FRMD5: variants seen among roughly 807,000 people sequenced by gnomAD.
The protein encoded by FRMD5 is FERM domain containing 5.
FRMD5 carries 20 observed loss-of-function variants against 69.0 expected under a neutral mutation model. The ratio of observed to expected loss-of-function variants is 0.29; its 90% CI spans 0.20 to 0.42. The LOEUF (loss-of-function observed/expected upper bound fraction) is 0.42. Among genes scored for constraint, FRMD5 ranks in the 10% least tolerant of loss-of-function variants. FRMD5 has a pLI of 1.00. For missense variants in FRMD5, 595 were observed against 708.6 expected (o/e 0.84, Z 1.82); for synonymous variants, 271 against 260.1 (o/e 1.04, Z -0.40).
At chr15:43,990,899 C>G (rs1889643213) in intron 1 of FRMD5, among the ~76,000 whole-genome samples, 1 of 152,152 alleles carries the variant, frequency 6.6e-6, no homozygotes, top group South Asian at 2.1e-4. Flanking sequence ...TTATACATCT[C>G]TATAGATGAC....
Position 43,989,297 on chromosome 15 carries a change from T to C in FRMD5, c.103-64988A>G, listed in dbSNP as rs1047994602. 1.4e-5 allele frequency: 11 copies of C among 785,526 alleles called. 1 individual carries two copies. The highest frequency in any genetic ancestry group is 8.5e-5 in the Admixed American group (5 of 58,648). The allele number at this position is 785,526 out of a possible 1,614,324, so 48.7% of individuals were successfully genotyped here. ...CTGGTGGTGCCGCCAGATAGCACTGTGTTGGCATACGGGTCTTTGAGGATG... is the reference window on the plus strand; with the variant it reads ...CTGGTGGTGCCGCCAGATAGCACTGCGTTGGCATACGGGTCTTTGAGGATG... On this transcript the variant is annotated intron_variant, in intron 1 of 13. Transcript: ENST00000417257.
At chr15:44,122,244 A>G (rs546958999) in intron 1 of FRMD5, among the ~76,000 whole-genome samples, 1 of 152,270 alleles carries the variant, frequency 6.6e-6, no homozygotes, top group Non-Finnish European at 1.5e-5. Context: ...TAAAAGTTAT[A>G]CGTCAAGTAG....
At chr15:44,002,572 C>T (rs944652773) in intron 1 of FRMD5, among the ~76,000 whole-genome samples, 9 of 151,914 alleles carry the variant, frequency 5.9e-5, no homozygotes, top group Non-Finnish European at 1.2e-4. Context: ...TAAGGGGGTC[C>T]GCGTGAGAGG....
At position 43,988,556 on chromosome 15, in the gene FRMD5, C is replaced by T. The variant is rs1267907038; in HGVS notation, c.103-64247G>A. On this transcript the variant is annotated intron_variant, in intron 1 of 13. Transcript: ENST00000417257. Reference sequence around the variant, plus strand: ...GGCTACCTCCACCCACTCCCAACTCCCAGGGAGACAAAAAGCCTTCATACA... The same window carrying T: ...GGCTACCTCCACCCACTCCCAACTCTCAGGGAGACAAAAAGCCTTCATACA... Among the ~76,000 whole-genome samples, 6 of 151,936 alleles carry T rather than the reference C, an allele frequency of 3.9e-5. No homozygotes were observed. The South Asian group carries it at 6.2e-4, about 16-fold the overall frequency.
At chr15:44,026,868 T>G (rs1168604297) in intron 1 of FRMD5, among the ~76,000 whole-genome samples, 4 of 152,246 alleles carry the variant, frequency 2.6e-5, no homozygotes, top group Non-Finnish European at 5.9e-5. Flanking sequence ...ATGATCACTG[T>G]GGGATCAACA....
chr15:43,970,154 A>G (rs2090353472), intron 1 of FRMD5, among the ~76,000 whole-genome samples: 1 of 152,266 alleles, frequency 6.6e-6, no homozygotes. Flanking sequence ...AACTAGAACC[A>G]GGTGGAAGTT....
intron 1 of FRMD5, among the ~76,000 whole-genome samples, chr15:44,039,727 G>A (rs1892102562): frequency 6.6e-6 from 1 of 152,112 alleles, no homozygotes; most frequent in South Asian, 2.1e-4. Context: ...AGAAACCAGT[G>A]CAAAAAGGCT....
At chr15:44,194,698 G>A (rs2078255300) in intron 1 of FRMD5, 2 of 537,160 alleles carry the variant, frequency 3.7e-6, no homozygotes, top group East Asian at 3.6e-5. Flanking sequence ...CTCACCCAGG[G>A]AGAGCAGGGT....
chr15:44,171,782 G>T (rs537392097), intron 1 of FRMD5, among the ~76,000 whole-genome samples: 19 of 152,180 alleles, frequency 1.2e-4, no homozygotes, highest in African/African-American at 4.6e-4. Context: ...GCTGGCTTTT[G>T]AGACAGAGTC....
intron 1 of FRMD5, among the ~76,000 whole-genome samples, chr15:44,100,409 C>T (rs1039370896): frequency 2.6e-5 from 4 of 152,190 alleles, no homozygotes; most frequent in African/African-American, 9.6e-5. Context: ...ACATTGTCAC[C>T]TAGCAGCAAA....
At chr15:44,130,488 G>T (rs960605203) in intron 1 of FRMD5, among the ~76,000 whole-genome samples, 1 of 152,110 alleles carries the variant, frequency 6.6e-6, no homozygotes, top group Non-Finnish European at 1.5e-5. Flanking sequence ...TAAGAAAAAG[G>T]ATAAATCTAT....
At chr15:43,886,913 GA>G (rs1391466883) in intron 10 of FRMD5, among the ~76,000 whole-genome samples, 3 of 151,690 alleles carry the variant, frequency 2.0e-5, no homozygotes, top group Non-Finnish European at 4.4e-5. Context: ...GGAGGCAATG[GA>G]AAACTGAAAA....
chr15:44,103,941 C>A (rs149638879), intron 1 of FRMD5, among the ~76,000 whole-genome samples: 14 of 152,164 alleles, frequency 9.2e-5, no homozygotes, highest in Admixed American at 4.6e-4. Context: ...TACTGCAATG[C>A]CAGTCATATA....
chr15:44,013,920 G>C (rs144503430), intron 1 of FRMD5, among the ~76,000 whole-genome samples: 1 of 148,618 alleles, frequency 6.7e-6, no homozygotes, highest in Non-Finnish European at 1.5e-5. Context: ...GCAGTGCTGC[G>C]ATCTCAGCTC....
At chr15:43,909,764 G>A in intron 5 of FRMD5, 118 bp downstream of exon 5, 1 of 608,670 alleles carries the variant, frequency 1.6e-6, no homozygotes, top group South Asian at 2.0e-5. Flanking sequence ...ACAAGCGTGA[G>A]CCACAGCACC....
At chr15:44,061,844 C>A (rs1893100766) in intron 1 of FRMD5, among the ~76,000 whole-genome samples, 1 of 152,146 alleles carries the variant, frequency 6.6e-6, no homozygotes, top group Admixed American at 6.5e-5. Context: ...TCACTTTCCC[C>A]CACCATTTTC....
chr15:44,044,091 C>T (rs1264881512), intron 1 of FRMD5, among the ~76,000 whole-genome samples: 2 of 151,890 alleles, frequency 1.3e-5, no homozygotes, highest in Non-Finnish European at 2.9e-5. Flanking sequence ...AAAAAAAACC[C>T]CATCAAAAAG....
Position 44,180,643 on chromosome 15 carries a change from G to A in FRMD5, c.102+14310C>T, listed in dbSNP as rs548526597. On this transcript the variant is annotated intron_variant, in intron 1 of 13. Coordinates refer to ENST00000417257, the MANE Select transcript of FRMD5 (RefSeq NM_032892.5). ...CCACTAAAAATACAAAAATTAGCCA[G>A]GCGTGGTGGTGGGCACCTTTAATCC... 3.9e-5 allele frequency among the ~76,000 whole-genome samples: 6 copies of A among 152,194 alleles called. 1 individual carries two copies. The South Asian group carries it at 1.2e-3, about 32-fold the overall frequency.
intron 1 of FRMD5, among the ~76,000 whole-genome samples, chr15:44,144,033 T>G (rs1414448750): frequency 5.3e-5 from 8 of 150,846 alleles, no homozygotes; most frequent in African/African-American, 1.9e-4. Flanking sequence ...CTAAAAACAA[T>G]GCCAGATATT....
Sources: gnomAD v4.1 joint callset for allele counts (sites outside exome capture counted in the v4.1 genomes callset) on GRCh38, gnomAD v4.1.1 for gene constraint, MANE v1.5 for transcripts, NCBI Gene and HGNC (gene_info 2026-07-23, HGNC 2026-07-21) for gene names.